The following SIGIRR variants were observed in gnomAD, a reference collection of about 807,000 sequenced individuals.
The protein encoded by SIGIRR is single Ig IL-1-related receptor.
In SIGIRR, 41 loss-of-function variants were observed where a neutral mutation model predicts 45.6. That is an observed-to-expected ratio of 0.90 (90% CI 0.70 to 1.17). The LOEUF is 1.17. SIGIRR is among the 50% of genes most tolerant of loss of function. SIGIRR has a pLI of 0.00. For missense variants in SIGIRR, 599 were observed against 539.6 expected, an observed-to-expected ratio of 1.11 and a Z score of -1.09; for synonymous variants, 298 against 239.0, an observed-to-expected ratio of 1.25 and a Z score of -2.28.
intron 1 of SIGIRR, among the ~76,000 whole-genome samples, chr11:413,811 C>T (rs1480302503): frequency 1.3e-4 from 17 of 134,962 alleles, no homozygotes; most frequent in Non-Finnish European, 2.6e-4. Context: ...CCACTCCCCA[C>T]CTTCCCCTGC....
At position 414,978 on chromosome 11, in the gene SIGIRR, G is replaced by T; in HGVS notation, c.-309C>A. The T allele has an allele frequency of 1.5e-6, 1 of 652,400 alleles. No homozygotes were observed. The highest frequency in any genetic ancestry group is 1.9e-6 in the Non-Finnish European group (1 of 525,898). The allele number at this position is 652,400 out of a possible 1,614,324, so 40.4% of individuals were successfully genotyped here. On this transcript the variant is annotated 5_prime_UTR_variant, in exon 1 of 10. Transcript: ENST00000431843. ...CGGTGGGGACCTGGCTTGTGTCTTTGTGTATTTTGATCAGAACTTTCCCTG... is the reference window on the plus strand; with the variant it reads ...CGGTGGGGACCTGGCTTGTGTCTTTTTGTATTTTGATCAGAACTTTCCCTG...
intron 1 of SIGIRR, among the ~76,000 whole-genome samples, chr11:413,537 C>T (rs952006713): frequency 6.6e-6 from 1 of 151,976 alleles, no homozygotes; most frequent in Non-Finnish European, 1.5e-5. Context: ...CCTCAAAGTC[C>T]TCCCTCCAAA....
intron 5 of SIGIRR, 75 bp downstream of exon 5, chr11:407,742 C>G: frequency 6.3e-7 from 1 of 1,599,252 alleles, no homozygotes; most frequent in Non-Finnish European, 8.5e-7. Flanking sequence ...CGCACGCCTC[C>G]AAAGCCGAGC....
rs1415823706 is a variant in SIGIRR at position 408,773 on chromosome 11, G to A, written c.128C>T (p.Ser43Phe). 2 of 1,612,686 alleles carry A rather than the reference G, an allele frequency of 1.2e-6. No individual in the cohort carries two copies. Among genetic ancestry groups the A allele is most frequent in the Middle Eastern group, 1.6e-4 (1 of 6,072 alleles). The change falls in exon 3 of 10, where the codon TCC becomes TTC. Residue 43 changes from serine to phenylalanine, a missense_variant. Transcript: ENST00000431843. Reference protein sequence around the residue: ...TAWVVSGPHCSLPSVQWLKDG... With the variant: ...TAWVVSGPHCFLPSVQWLKDG... ...TTTCAGCCACTGGACTGAAGGCAGGGAGCAGTGGGGCCCAGAGACTACCCA... is the reference window on the plus strand; with the variant it reads ...TTTCAGCCACTGGACTGAAGGCAGGAAGCAGTGGGGCCCAGAGACTACCCA...
chr11:412,585 A>C lies in SIGIRR; in HGVS notation c.-154+2238T>G, dbSNP rs9737364. On this transcript the variant is annotated intron_variant, in intron 1 of 9. Coordinates refer to ENST00000431843, the MANE Select transcript of SIGIRR (RefSeq NM_001135054.2). ...GTCGGGGGGGGGTGCCCAGCTCTGAACATGTCTGGATACAGTCGGGGGGGG... is the reference window on the plus strand; with the variant it reads ...GTCGGGGGGGGGTGCCCAGCTCTGACCATGTCTGGATACAGTCGGGGGGGG... 0.047 allele frequency among the ~76,000 whole-genome samples: 44 copies of C among 934 alleles called. 11 individuals carry two copies. The East Asian group carries it at 0.8, about 17-fold the overall frequency. 0.6% of individuals were successfully genotyped at this position (934 alleles called of 152,430 possible).
At chr11:410,192 C>G (rs1402742118) in intron 1 of SIGIRR, among the ~76,000 whole-genome samples, 165 bp from the exon 2 acceptor site, 1 of 152,190 alleles carries the variant, frequency 6.6e-6, no homozygotes, top group Non-Finnish European at 1.5e-5. Flanking sequence ...GCCCCTCACA[C>G]GTGGCCAGAA....
upstream of SIGIRR, among the ~76,000 whole-genome samples, chr11:415,233 T>TGTGCA (rs1816741111): frequency 7.0e-6 from 1 of 143,100 alleles, no homozygotes. The surrounding 1 kb of genome is among the most constrained non-coding windows in gnomAD (Gnocchi z 6.6). Flanking sequence ...TGTGTGTGTG[T>TGTGCA]GTGTGTGTGT....
In SIGIRR at chr11:407,518, G is replaced by A. The variant is rs200106219; in HGVS notation, c.532C>T (p.Arg178Cys). 3 of 1,608,106 alleles carry A rather than the reference G, an allele frequency of 1.9e-6. No homozygotes were observed. The highest frequency in any genetic ancestry group is 2.5e-6 in the Non-Finnish European group (3 of 1,177,894). ...YVSYSDCPED[R>C]KFVNFILKPQ... ...TTTAGGATGAAGTTCACGAACTTGC[G>A]GTCCTCGGGGCAGTCGCTGTAGGAG... The change falls in exon 6 of 10, where the codon CGC (arginine) becomes TGC (cysteine). Residue 178 changes from arginine (R) to cysteine (C), a missense_variant. Arg to Cys is a radical substitution (Grantham distance 180). Coordinates refer to ENST00000431843, the MANE Select transcript of SIGIRR (RefSeq NM_001135054.2).
upstream of SIGIRR, among the ~76,000 whole-genome samples, chr11:415,941 G>A (rs1017817562): frequency 6.6e-6 from 1 of 152,166 alleles, no homozygotes; most frequent in Non-Finnish European, 1.5e-5. The surrounding 1 kb of genome is among the most constrained non-coding windows in gnomAD (Gnocchi z 6.6). Context: ...CCAGCCTCCC[G>A]GCCCTGGCTG....
intron 5 of SIGIRR, 59 bp downstream of exon 5, chr11:407,758 A>G: frequency 6.2e-7 from 1 of 1,607,064 alleles, no homozygotes; most frequent in Non-Finnish European, 8.5e-7. Context: ...CGAGCTCAGC[A>G]GCGCACTCTC....
At chr11:407,669 C>T (rs1847407073) in intron 5 of SIGIRR, 101 bp from the exon 6 acceptor site, 3 of 1,554,404 alleles carry the variant, frequency 1.9e-6, no homozygotes, top group Non-Finnish European at 1.7e-6. Flanking sequence ...CAGGGGCAGA[C>T]CCGCCCCGGA....
At chr11:416,292 C>G (rs1312582679), upstream of SIGIRR, among the ~76,000 whole-genome samples, 1 of 152,074 alleles carries the variant, frequency 6.6e-6, no homozygotes, top group Non-Finnish European at 1.5e-5. This position sits in a 1 kb window ranked among gnomAD's most constrained non-coding sequence, Gnocchi z 9.1. Flanking sequence ...CTCTGTGCAC[C>G]CGGTCTCAGC....
intron 2 of SIGIRR, chr11:409,319 T>G: frequency 3.0e-6 from 1 of 336,770 alleles, no homozygotes; most frequent in Non-Finnish European, 5.8e-6. Context: ...CTGCAGAGAG[T>G]GTGGGCACCA....
At position 405,939 on chromosome 11, in the gene SIGIRR, G is replaced by A. The variant is rs757008588; in HGVS notation, c.1190C>T (p.Ala397Val). ...VSDLGSRNYS[A>V]RTDFYCLVSK... ...CACCAGGCAGTAGAAGTCTGTGCGG[G>A]CACTGTAGTTTCGCGAGCCGAGATC... Residue 397 changes from alanine to valine, a missense_variant, in exon 10 of 10, where the codon GCC becomes GTC. Coordinates refer to ENST00000431843, the MANE Select transcript of SIGIRR (RefSeq NM_001135054.2). 5.0e-6 allele frequency: 8 copies of A among 1,611,396 alleles called. No individual in the cohort carries two copies. The African/African-American group carries it at 5.3e-5, about 11-fold the overall frequency.
upstream of SIGIRR, among the ~76,000 whole-genome samples, chr11:416,853 C>T (rs1847899044): frequency 6.6e-6 from 1 of 152,110 alleles, no homozygotes; most frequent in Non-Finnish European, 1.5e-5. This position sits in a 1 kb window ranked among gnomAD's most constrained non-coding sequence, Gnocchi z 9.1. Context: ...GGGTGCGGCT[C>T]GGGGCGCTCG....
rs1590370958 is a variant in SIGIRR, at chr11:407,172, A to G, written c.626-8T>C. ...AGAGGTCGGCGGAGGGCTCTGCGGG[A>G]GGGCGGGCGTCGGCGGCGCAGGGGC... On this transcript the variant is annotated splice_region_variant and splice_polypyrimidine_tract_variant and intron_variant, in intron 6 of 9. Transcript: ENST00000431843. 1 of 946,572 alleles carries G rather than the reference A, an allele frequency of 1.1e-6. No individual in the cohort carries two copies. The highest frequency in any genetic ancestry group is 1.3e-6 in the Non-Finnish European group (1 of 786,242). 58.6% of individuals were successfully genotyped at this position (946,572 alleles called of 1,614,324 possible).
chr11:412,873 C>T (rs561727311), intron 1 of SIGIRR, among the ~76,000 whole-genome samples: 1 of 152,080 alleles, frequency 6.6e-6, no homozygotes, highest in Non-Finnish European at 1.5e-5. Flanking sequence ...GAACAGCGCC[C>T]GGTGGGGATG....
upstream of SIGIRR, among the ~76,000 whole-genome samples, chr11:415,528 G>A (rs1207667322): frequency 3.3e-5 from 5 of 152,234 alleles, no homozygotes; most frequent in South Asian, 2.1e-4. This position sits in a 1 kb window ranked among gnomAD's most constrained non-coding sequence, Gnocchi z 6.6. Flanking sequence ...CTCTGACCCC[G>A]GGGAACAGGG....
upstream of SIGIRR, among the ~76,000 whole-genome samples, chr11:415,591 C>T (rs1170772293): frequency 5.3e-5 from 8 of 152,188 alleles, no homozygotes; most frequent in Admixed American, 3.9e-4. The surrounding 1 kb of genome is among the most constrained non-coding windows in gnomAD (Gnocchi z 6.6). Flanking sequence ...CTTCCGCCCT[C>T]TCCCCGTCCC....
Sources: allele counts gnomAD v4.1 joint callset (sites outside exome capture counted in the v4.1 genomes callset), GRCh38; gene constraint gnomAD v4.1.1; non-coding constraint Gnocchi (gnomAD v3.1); transcripts MANE v1.5; gene names NCBI Gene and HGNC (gene_info 2026-07-23, HGNC 2026-07-21).